The following TXNDC16 variants were observed in gnomAD, a reference collection of about 807,000 sequenced individuals.
TXNDC16 encodes the protein thioredoxin domain-containing protein 16.
TXNDC16 carries 74 observed loss-of-function variants against 85.6 expected under a neutral mutation model. The ratio of observed to expected loss-of-function variants is 0.86; its 90% CI spans 0.72 to 1.05. The LOEUF (loss-of-function observed/expected upper bound fraction) is 1.05. Ranked by LOEUF, TXNDC16 falls within the 50% of genes least tolerant of loss-of-function variation. The probability of loss-of-function intolerance (pLI) is 0.00; values close to 1 mark genes in which losing one functional copy is unlikely to be tolerated. For missense variants in TXNDC16, 959 were observed against 947.0 expected (o/e 1.01, Z -0.17); for synonymous variants, 335 against 326.5 (o/e 1.03, Z -0.28).
At chr14:52,530,652 G>GTA (rs1271129562) in intron 6 of TXNDC16, among the ~76,000 whole-genome samples, 1 of 113,864 alleles carries the variant, frequency 8.8e-6, no homozygotes, top group African/African-American at 3.3e-5. Context: ...AAATACCTAG[G>GTA]TATATATATG....
chr14:52,440,748 CAATAA>C, intron 18 of TXNDC16, 24 bp from the exon 19 acceptor site: 1 of 1,595,874 alleles, frequency 6.3e-7, no homozygotes, highest in Non-Finnish European at 8.5e-7. Flanking sequence ...GGAATAACAA[CAATAA>C]AAAATGCATT....
chr14:52,520,552 G>C (rs2140194388), intron 6 of TXNDC16, among the ~76,000 whole-genome samples: 1 of 152,270 alleles, frequency 6.6e-6, no homozygotes, highest in East Asian at 1.9e-4. Flanking sequence ...GGAGTTTGCA[G>C]TGAGCTGAGA....
intron 18 of TXNDC16, among the ~76,000 whole-genome samples, chr14:52,441,385 G>C (rs1409665199): frequency 1.3e-5 from 2 of 152,086 alleles, no homozygotes; most frequent in African/African-American, 2.4e-5. Flanking sequence ...GACGCAGGCA[G>C]ATCGCCTGAG....
chr14:52,530,656 A>G (rs905433525), intron 6 of TXNDC16, among the ~76,000 whole-genome samples: 2 of 122,756 alleles, frequency 1.6e-5, no homozygotes, highest in Non-Finnish European at 1.6e-5. Context: ...ACCTAGGTAT[A>G]TATATGTGTA....
At chr14:52,551,070 G>A (rs940147090) in intron 1 of TXNDC16, among the ~76,000 whole-genome samples, 2 of 152,248 alleles carry the variant, frequency 1.3e-5, no homozygotes, top group East Asian at 3.9e-4. Context: ...CGTTTCATCT[G>A]AGGGATGTCT....
At chr14:52,456,002 T>C (rs1387251099) in intron 17 of TXNDC16, among the ~76,000 whole-genome samples, 25 of 152,098 alleles carry the variant, frequency 1.6e-4, no homozygotes, top group Admixed American at 1.6e-3. Context: ...GTTCCTGACA[T>C]AGTCTGTACT....
intron 9 of TXNDC16, among the ~76,000 whole-genome samples, chr14:52,504,347 G>C (rs550870888): frequency 2.6e-5 from 4 of 152,238 alleles, no homozygotes; most frequent in Non-Finnish European, 5.9e-5. Context: ...ACAGAGGGAA[G>C]TCCATCAGAC....
intron 7 of TXNDC16, among the ~76,000 whole-genome samples, chr14:52,517,787 T>C (rs1446363979): frequency 1.3e-5 from 2 of 152,208 alleles, no homozygotes; most frequent in African/African-American, 4.8e-5. Flanking sequence ...CAAAAAATTA[T>C]TCTCCTAACT....
rs189196187 is a variant in TXNDC16, at chr14:52,511,604, G to A, written c.606-214C>T. 1.2e-3 allele frequency among the ~76,000 whole-genome samples: 177 copies of A among 152,060 alleles called. 6 individuals carry two copies. In the South Asian group the frequency reaches 0.036, roughly 31 times the overall value. On this transcript the variant is annotated intron_variant, in intron 8 of 20. Coordinates refer to ENST00000281741, the MANE Select transcript of TXNDC16 (RefSeq NM_020784.3). The stretch of plus-strand genomic sequence containing the variant: ...ACCTTAATATCTGAACAAACCACAC[G>A]AGTTGTATAAACAATTTTTTTTTGC...
chr14:52,514,761 T>C, intron 8 of TXNDC16, 119 bp downstream of exon 8: 1 of 688,926 alleles, frequency 1.5e-6, no homozygotes, highest in South Asian at 2.0e-5. Flanking sequence ...TCACATCTGC[T>C]ATGGTTCCTT....
At chr14:52,480,420 C>A (rs748320875) in intron 14 of TXNDC16, among the ~76,000 whole-genome samples, 4 of 152,016 alleles carry the variant, frequency 2.6e-5, no homozygotes, top group Non-Finnish European at 5.9e-5. Context: ...ACAATCTATA[C>A]GTCTGGCAAA....
chr14:52,438,749 C>T (rs2035093488), intron 20 of TXNDC16, among the ~76,000 whole-genome samples: 1 of 152,076 alleles, frequency 6.6e-6, no homozygotes, highest in Admixed American at 6.6e-5. Context: ...GTAAAATATC[C>T]TCATTTTCTA....
chr14:52,515,664 TAC>T (rs1788161904), intron 7 of TXNDC16, among the ~76,000 whole-genome samples: 1 of 137,560 alleles, frequency 7.3e-6, no homozygotes, highest in Admixed American at 7.5e-5. Context: ...CTTTATTTCA[TAC>T]ATATGTGTGT....
intron 6 of TXNDC16, among the ~76,000 whole-genome samples, chr14:52,526,120 G>A (rs983610226): frequency 6.6e-6 from 1 of 152,082 alleles, no homozygotes; most frequent in Non-Finnish European, 1.5e-5. Flanking sequence ...ACCCCATCTA[G>A]AAGCTGGGAA....
chr14:52,494,863 G>A (rs138453854), intron 9 of TXNDC16, among the ~76,000 whole-genome samples: 8 of 152,306 alleles, frequency 5.3e-5, no homozygotes, highest in African/African-American at 1.9e-4. Context: ...TGAATGGACA[G>A]TAAGATAACC....
intron 8 of TXNDC16, among the ~76,000 whole-genome samples, chr14:52,513,361 C>A (rs2037000823): frequency 6.6e-6 from 1 of 152,026 alleles, no homozygotes; most frequent in Admixed American, 6.6e-5. Context: ...GGAGATAACC[C>A]AAATAGCCAA....
chr14:52,492,577 T>C (rs924465831), intron 9 of TXNDC16, among the ~76,000 whole-genome samples: 3 of 152,126 alleles, frequency 2.0e-5, no homozygotes, highest in African/African-American at 7.2e-5. Context: ...TCCTCCACGC[T>C]CCTCTTTTGC....
At chr14:52,519,529 G>A (rs1057402752) in intron 6 of TXNDC16, among the ~76,000 whole-genome samples, 5 of 152,118 alleles carry the variant, frequency 3.3e-5, no homozygotes, top group South Asian at 2.1e-4. Flanking sequence ...GTATTACAAC[G>A]GTCTCAACAG....
rs1566581944 is a variant in TXNDC16 at position 52,530,272 on chromosome 14, T to TATAATAATATATATTAC, written c.392+6446_392+6447insGTAATATATATTATTAT. ...AATATATATTATATAATATATATTA[T>TATAATAATATATATTAC]TATTTAATATATAATTATTATATAT... On this transcript the variant is annotated intron_variant, in intron 6 of 20. Transcript: ENST00000281741. Among the ~76,000 whole-genome samples the TATAATAATATATATTAC allele has an allele frequency of 5.5e-4, 34 of 62,190 alleles. 6 individuals carry two copies. The East Asian group carries it at 0.025, about 46-fold the overall frequency. The allele number at this position is 62,190 out of a possible 152,430, so 40.8% of individuals were successfully genotyped here.
Sources: allele counts gnomAD v4.1 joint callset (sites outside exome capture counted in the v4.1 genomes callset), GRCh38; gene constraint gnomAD v4.1.1; transcripts MANE v1.5; gene names NCBI Gene and HGNC (gene_info 2026-07-23, HGNC 2026-07-21).